The following SOBP variants were observed in gnomAD, a reference collection of about 807,000 sequenced individuals.
The protein encoded by SOBP is sine oculis-binding protein homolog.
In SOBP, 4 loss-of-function variants were observed where a neutral mutation model predicts 53.6. That is an observed-to-expected ratio of 0.07 (90% CI 0.04 to 0.17). The LOEUF is 0.17. Ranked by LOEUF, SOBP falls within the 10% of genes least tolerant of loss-of-function variation. SOBP has a pLI of 1.00. For missense variants in SOBP, 1,088 were observed against 1,204.7 expected (o/e 0.90, Z 1.43); for synonymous variants, 584 against 522.6 (o/e 1.12, Z -1.60).
rs2115091904 is a variant in SOBP, at chr6:107,605,603, G to C, written c.669+18428G>C. Among the ~76,000 whole-genome samples, 3 of 152,302 alleles carry C rather than the reference G, an allele frequency of 2.0e-5. 1 individual carries two copies. In the Middle Eastern group the frequency reaches 0.01, roughly 518 times the overall value. ...TGTCTTAGAATGTCCCAGGAAGCAT[G>C]AATCTTCAGCATTCTGATGTGACTC... On this transcript the variant is annotated intron_variant, in intron 5 of 6. Coordinates refer to ENST00000317357, the MANE Select transcript of SOBP (RefSeq NM_018013.4).
intron 4 of SOBP, among the ~76,000 whole-genome samples, chr6:107,534,187 G>A (rs944795042): frequency 6.6e-6 from 1 of 152,176 alleles, no homozygotes; most frequent in Non-Finnish European, 1.5e-5. Flanking sequence ...GCATTTGTGA[G>A]GAGCGTGGTG....
chr6:107,631,154 A>G (rs548090576), intron 5 of SOBP, among the ~76,000 whole-genome samples: 2 of 152,204 alleles, frequency 1.3e-5, no homozygotes, highest in African/African-American at 2.4e-5. Context: ...AAATAATTCA[A>G]TCTGGCAATT....
chr6:107,594,863 C>A (rs2082254786), intron 5 of SOBP, among the ~76,000 whole-genome samples: 1 of 152,184 alleles, frequency 6.6e-6, no homozygotes, highest in Non-Finnish European at 1.5e-5. Flanking sequence ...TGGGGGAGGG[C>A]AGGAGGCCCA....
At chr6:107,558,861 G>A (rs1784696141) in intron 4 of SOBP, among the ~76,000 whole-genome samples, 1 of 151,946 alleles carries the variant, frequency 6.6e-6, no homozygotes, top group African/African-American at 2.4e-5. Flanking sequence ...ATTAGCAGTT[G>A]CCATCTTCTC....
intron 3 of SOBP, among the ~76,000 whole-genome samples, chr6:107,521,920 ACACACACACACAC>A (rs1783506267): frequency 4.8e-5 from 1 of 21,004 alleles, no homozygotes; most frequent in African/African-American, 7.8e-5. Flanking sequence ...ACACACACAC[ACACACACACACAC>A]ACACACACAC....
intron 2 of SOBP, 63 bp downstream of exon 2, chr6:107,503,858 A>G: frequency 6.3e-7 from 1 of 1,597,808 alleles, no homozygotes; most frequent in South Asian, 1.1e-5. Flanking sequence ...ACCTGCCAGA[A>G]TTGAGTTGCT....
rs548655939 is a variant in SOBP, at chr6:107,578,148, G to GT, written c.574-8931dup. On this transcript the variant is annotated intron_variant, in intron 4 of 6. Transcript: ENST00000317357. ...GTTGGAGTACCATCTTTCACAGGCT[G>GT]TATCAGAGACCTACTGACGCTGCTT... is the stretch of plus-strand genomic sequence containing the variant. Among the ~76,000 whole-genome samples, 4 of 151,342 alleles carry GT rather than the reference G, an allele frequency of 2.6e-5. No homozygotes were observed. The South Asian group carries it at 8.4e-4, about 32-fold the overall frequency.
At position 107,578,764 on chromosome 6, in the gene SOBP, T is replaced by C. The variant is rs1442564993; in HGVS notation, c.574-8316T>C. 2.0e-5 allele frequency among the ~76,000 whole-genome samples: 3 copies of C among 152,316 alleles called. No homozygotes were observed. The South Asian group carries it at 6.2e-4, about 32-fold the overall frequency. On this transcript the variant is annotated intron_variant, in intron 4 of 6. Coordinates refer to ENST00000317357, the MANE Select transcript of SOBP (RefSeq NM_018013.4). ...CAGAACAGCATCTTAATCTGGTTAG[T>C]ACTGTGTTTTTTAATCCCATTTGAG... is the stretch of plus-strand genomic sequence containing the variant.
intron 4 of SOBP, among the ~76,000 whole-genome samples, chr6:107,559,907 G>A (rs1168579609): frequency 6.6e-6 from 1 of 152,062 alleles, no homozygotes; most frequent in Non-Finnish European, 1.5e-5. Context: ...AGAAATGTCA[G>A]TTTCTTCTCT....
intron 4 of SOBP, among the ~76,000 whole-genome samples, chr6:107,569,716 A>G (rs978607781): frequency 6.6e-6 from 1 of 152,218 alleles, no homozygotes; most frequent in African/African-American, 2.4e-5. Context: ...CTGATGCACA[A>G]GACTCTTTCC....
intron 4 of SOBP, among the ~76,000 whole-genome samples, chr6:107,582,318 T>A (rs1583235964): frequency 6.6e-6 from 1 of 152,142 alleles, no homozygotes; most frequent in East Asian, 1.9e-4. Context: ...TTTGCTGTAT[T>A]GTAAGAATCA....
At chr6:107,552,019 T>TCAA (rs1784473892) in intron 4 of SOBP, among the ~76,000 whole-genome samples, 1 of 152,160 alleles carries the variant, frequency 6.6e-6, no homozygotes, top group Non-Finnish European at 1.5e-5. Flanking sequence ...AGACTCCATC[T>TCAA]CAACAACAAC....
intron 4 of SOBP, among the ~76,000 whole-genome samples, chr6:107,542,865 G>T (rs1231432976): frequency 1.3e-5 from 2 of 151,862 alleles, no homozygotes; most frequent in Non-Finnish European, 2.9e-5. Flanking sequence ...GGGCAGGTGG[G>T]GCTTGTCCCC....
intron 4 of SOBP, among the ~76,000 whole-genome samples, chr6:107,566,409 G>A (rs56020786): frequency 9.2e-5 from 14 of 152,214 alleles, no homozygotes; most frequent in African/African-American, 2.4e-4. Flanking sequence ...AAGAAAATAA[G>A]CACCAAGACT....
intron 4 of SOBP, among the ~76,000 whole-genome samples, chr6:107,534,381 G>A (rs1783929499): frequency 6.6e-6 from 1 of 152,184 alleles, no homozygotes; most frequent in Non-Finnish European, 1.5e-5. Context: ...AACTGCTGTA[G>A]CCTTTGCCAC....
intron 5 of SOBP, among the ~76,000 whole-genome samples, chr6:107,592,193 C>T (rs1785782078): frequency 6.6e-6 from 1 of 152,092 alleles, no homozygotes; most frequent in South Asian, 2.1e-4. Context: ...AAGTGAAAGA[C>T]ACATCACAGT....
At chr6:107,589,208 G>T (rs1326293251) in intron 5 of SOBP, among the ~76,000 whole-genome samples, 3 of 152,216 alleles carry the variant, frequency 2.0e-5, no homozygotes, top group Non-Finnish European at 2.9e-5. Context: ...TGCTGCAAGA[G>T]CAGTAGCCAG....
At chr6:107,496,404 G>A (rs1782699812) in intron 1 of SOBP, among the ~76,000 whole-genome samples, 1 of 152,146 alleles carries the variant, frequency 6.6e-6, no homozygotes. Flanking sequence ...TCTGTATCAC[G>A]ACGAGACAGT....
chr6:107,634,494 G>GC lies in SOBP; in HGVS notation c.1656dup (p.Asn553GlnfsTer184). ...CTATCCCTCACGTCAGCGACTCCAA[G>GC]CCCCCCAACGGGTTCTCCAGCAACG... On this transcript the variant is annotated frameshift_variant, in exon 6 of 7. Transcript: ENST00000317357. LOFTEE classifies it high-confidence loss of function. The surrounding 1 kb of genome is among the most constrained non-coding windows in gnomAD (Gnocchi z 4.5). 1.2e-6 allele frequency: 2 copies of GC among 1,611,562 alleles called. No individual in the cohort carries two copies.
Sources: gnomAD v4.1 joint callset for allele counts (sites outside exome capture counted in the v4.1 genomes callset) on GRCh38, gnomAD v4.1.1 for gene constraint, Gnocchi (gnomAD v3.1) non-coding constraint, MANE v1.5 for transcripts, NCBI Gene and HGNC (gene_info 2026-07-23, HGNC 2026-07-21) for gene names.